The following GOSR1 variants were observed in gnomAD, a reference collection of about 807,000 sequenced individuals.
The protein encoded by GOSR1 is golgi SNAP receptor complex member 1, also known as 28 kDa Golgi SNARE protein.
In GOSR1, 21 loss-of-function variants were observed where a neutral mutation model predicts 35.5. That is an observed-to-expected ratio of 0.59 (90% CI 0.42 to 0.85). The LOEUF is 0.85. Ranked by LOEUF, GOSR1 falls within the 40% of genes least tolerant of loss-of-function variation. The pLI, the probability that GOSR1 is intolerant of heterozygous loss-of-function variation, is 0.00. For synonymous variants in GOSR1, 94 were observed against 106.6 expected, an observed-to-expected ratio of 0.88 and a Z score of 0.73; for missense variants, 285 against 309.6, an observed-to-expected ratio of 0.92 and a Z score of 0.60.
At chr17:30,506,380 G>A (rs1247006047) in intron 6 of GOSR1, among the ~76,000 whole-genome samples, 1 of 152,244 alleles carries the variant, frequency 6.6e-6, no homozygotes, top group African/African-American at 2.4e-5. Context: ...CCCTATTGCT[G>A]ATATGGAGAA....
chr17:30,509,095 C>T (rs1967520742), intron 6 of GOSR1, among the ~76,000 whole-genome samples: 1 of 152,168 alleles, frequency 6.6e-6, no homozygotes, highest in East Asian at 1.9e-4. Flanking sequence ...CCTGCCTCAG[C>T]CTCCCGAGTA....
At position 30,523,216 on chromosome 17, in the gene GOSR1, C is replaced by G. The variant is rs1246862465; in HGVS notation, c.*838C>G. ...CATCCCATCTAGGAAGTGAGGAGCG[C>G]CTCTTCCCAGCCGCCATCCCATCTA... On this transcript the variant is annotated 3_prime_UTR_variant, in exon 9 of 9. Coordinates refer to ENST00000451249, the MANE Select transcript of GOSR1 (RefSeq NM_001007025.2). 5.7e-6 allele frequency: 1 copy of G among 174,906 alleles called. No homozygotes were observed. The highest frequency in any genetic ancestry group is 1.2e-5 in the Non-Finnish European group (1 of 82,466). 10.8% of individuals were successfully genotyped at this position (174,906 alleles called of 1,614,324 possible).
At chr17:30,493,540 G>GA (rs1399231492) in intron 6 of GOSR1, among the ~76,000 whole-genome samples, 1 of 152,092 alleles carries the variant, frequency 6.6e-6, no homozygotes, top group Non-Finnish European at 1.5e-5. Context: ...AAAATAATGT[G>GA]AAAAACTTTA....
At chr17:30,479,138 C>G (rs1914159809) in intron 1 of GOSR1, 1 of 152,236 alleles carries the variant, frequency 6.6e-6, no homozygotes, top group African/African-American at 2.4e-5. Context: ...CATTTGGTCT[C>G]TGGGCAAATA....
Position 30,523,566 on chromosome 17 carries a change from A to G in GOSR1, c.*1188A>G, listed in dbSNP as rs542322707. 4.2e-3 allele frequency: 638 copies of G among 153,686 alleles called. 3 individuals carry two copies. Among genetic ancestry groups the G allele is most frequent in the Non-Finnish European group, 5.7e-3 (413 of 72,040 alleles). The allele number at this position is 153,686 out of a possible 1,614,324, so 9.5% of individuals were successfully genotyped here. On this transcript the variant is annotated 3_prime_UTR_variant, in exon 9 of 9. Coordinates refer to ENST00000451249, the MANE Select transcript of GOSR1 (RefSeq NM_001007025.2). ...CGCCCGGCCAGCCGCCCCGTCCGGGAGGGAGGTGGGGGGGATCAGCCCCCC... is the reference window on the plus strand; with the variant it reads ...CGCCCGGCCAGCCGCCCCGTCCGGGGGGGAGGTGGGGGGGATCAGCCCCCC...
chr17:30,492,121 G>A (rs1915087890), intron 5 of GOSR1, among the ~76,000 whole-genome samples: 1 of 152,018 alleles, frequency 6.6e-6, no homozygotes, highest in Admixed American at 6.6e-5. Flanking sequence ...GTGGAAAACA[G>A]AAAAATTAAA....
chr17:30,517,367 T>C (rs1437102481), intron 7 of GOSR1, among the ~76,000 whole-genome samples: 2 of 152,326 alleles, frequency 1.3e-5, no homozygotes, highest in Non-Finnish European at 2.9e-5. Flanking sequence ...CTTACTGATA[T>C]ACAACTTTTT....
chr17:30,492,837 A>T, intron 6 of GOSR1, 84 bp downstream of exon 6: 1 of 819,864 alleles, frequency 1.2e-6, no homozygotes, highest in Non-Finnish European at 2.1e-6. Flanking sequence ...TATGATGTTT[A>T]TTATACTGAG....
intron 6 of GOSR1, among the ~76,000 whole-genome samples, chr17:30,499,041 TACTGGCTTTCTATC>T (rs1248649318): frequency 6.6e-6 from 1 of 152,220 alleles, no homozygotes; most frequent in Admixed American, 6.5e-5. Flanking sequence ...GGCAGCTGCT[TACTGGCTTTCTATC>T]ACTATAGATT....
intron 6 of GOSR1, among the ~76,000 whole-genome samples, chr17:30,504,935 G>A (rs1233999629): frequency 6.6e-6 from 1 of 152,248 alleles, no homozygotes; most frequent in Non-Finnish European, 1.5e-5. Context: ...AAAGCAGATA[G>A]TGGAAATGAT....
rs535848926 is a variant in GOSR1, at chr17:30,479,111, G to C, written c.31+1647G>C. 9.2e-5 allele frequency: 14 copies of C among 152,342 alleles called. No homozygotes were observed. The South Asian group carries it at 2.9e-3, about 32-fold the overall frequency. The allele number at this position is 152,342 out of a possible 1,614,324, so 9.4% of individuals were successfully genotyped here. A position where few individuals can be genotyped will look rare whatever the true frequency, so the allele number is the denominator to read the frequency against. On this transcript the variant is annotated intron_variant, in intron 1 of 8. Coordinates refer to ENST00000451249, the MANE Select transcript of GOSR1 (RefSeq NM_001007025.2). ...AATCATAGAGTCAGTAAGTGGCTGT[G>C]CCGAGATTCGAACTGGCATTTGGTC...
At chr17:30,493,825 G>C (rs1318795845) in intron 6 of GOSR1, among the ~76,000 whole-genome samples, 1 of 151,902 alleles carries the variant, frequency 6.6e-6, no homozygotes, top group Non-Finnish European at 1.5e-5. Flanking sequence ...CCATAATAAA[G>C]ATAAACCATA....
chr17:30,497,137 C>G (rs1967034198), intron 6 of GOSR1, among the ~76,000 whole-genome samples: 1 of 152,124 alleles, frequency 6.6e-6, no homozygotes, highest in South Asian at 2.1e-4. Flanking sequence ...GCCTGTAAAG[C>G]CTGTAATCTC....
intron 7 of GOSR1, among the ~76,000 whole-genome samples, chr17:30,516,823 T>A (rs1032179177): frequency 1.3e-5 from 2 of 152,170 alleles, no homozygotes; most frequent in African/African-American, 4.8e-5. Context: ...CAAGTGATTC[T>A]TCACCCTCAG....
At chr17:30,509,067 C>CT (rs1460340123) in intron 6 of GOSR1, among the ~76,000 whole-genome samples, 2 of 152,146 alleles carry the variant, frequency 1.3e-5, no homozygotes, top group Non-Finnish European at 2.9e-5. Context: ...CCTCCACCTC[C>CT]TGGGTTCAAG....
chr17:30,526,802 G>A lies in GOSR1; in HGVS notation c.*4424G>A, dbSNP rs1051969733. 6.6e-6 allele frequency: 1 copy of A among 152,566 alleles called. No homozygotes were observed. The highest frequency in any genetic ancestry group is 2.4e-5 in the African/African-American group (1 of 41,434). 9.5% of individuals were successfully genotyped at this position (152,566 alleles called of 1,614,324 possible). On this transcript the variant is annotated 3_prime_UTR_variant, in exon 9 of 9. Coordinates refer to ENST00000451249, the MANE Select transcript of GOSR1 (RefSeq NM_001007025.2). The stretch of plus-strand genomic sequence containing the variant: ...TGGTATGTAATTTAATAATAAATTA[G>A]AAATCTAAATGATTGCATTTGTAAT...
Position 30,527,063 on chromosome 17 carries a change from CA to C in GOSR1, c.*4687del, listed in dbSNP as rs1304309315. 5 of 152,020 alleles carry C rather than the reference CA, an allele frequency of 3.3e-5. No homozygotes were observed. The highest frequency in any genetic ancestry group is 1.2e-4 in the African/African-American group (5 of 41,362). 9.4% of individuals were successfully genotyped at this position (152,020 alleles called of 1,614,324 possible). On this transcript the variant is annotated 3_prime_UTR_variant, in exon 9 of 9. Transcript: ENST00000451249. The stretch of plus-strand genomic sequence containing the variant: ...CTTCAGGAGGCATAATGGGAATCTA[CA>C]ATTGTAGAATTGGCTGGGTGCAGTG...
Position 30,491,384 on chromosome 17 carries a change from C to T in GOSR1, c.434+1167C>T, listed in dbSNP as rs553117253. Among the ~76,000 whole-genome samples the T allele has an allele frequency of 1.1e-4, 17 of 152,262 alleles. No individual in the cohort carries two copies. In the South Asian group the frequency reaches 2.1e-3, roughly 19 times the overall value. Reference sequence around the variant, plus strand: ...GGTAGAAATGAAAAGACCGGCCAGGCGTGGTGGCTCCCGCCTGTAATCCCA... The same window carrying T: ...GGTAGAAATGAAAAGACCGGCCAGGTGTGGTGGCTCCCGCCTGTAATCCCA... On this transcript the variant is annotated intron_variant, in intron 5 of 8. Coordinates refer to ENST00000451249, the MANE Select transcript of GOSR1 (RefSeq NM_001007025.2).
intron 8 of GOSR1, chr17:30,520,313 A>T (rs1597802013): frequency 4.0e-6 from 1 of 249,286 alleles, no homozygotes; most frequent in East Asian, 8.5e-5. Context: ...AAGCTTTTAA[A>T]TTCATGTTAG....
Sources: allele counts gnomAD v4.1 joint callset (sites outside exome capture counted in the v4.1 genomes callset), GRCh38; gene constraint gnomAD v4.1.1; transcripts MANE v1.5; gene names NCBI Gene and HGNC (gene_info 2026-07-23, HGNC 2026-07-21).